The following ELL2 variants were observed in gnomAD, a reference collection of about 807,000 sequenced individuals.
ELL2 encodes the protein elongation factor for RNA polymerase II 2, also known as RNA polymerase II elongation factor ELL2.
Under a neutral mutation model 72.8 loss-of-function variants are expected in ELL2, and 21 were observed. The ratio of observed to expected loss-of-function variants is 0.29; its 90% confidence interval spans 0.20 to 0.42. The LOEUF is 0.42. Ranked by LOEUF, ELL2 falls within the 10% of genes least tolerant of loss-of-function variation. The probability of loss-of-function intolerance (pLI) is 1.00; values close to 1 mark genes in which losing one functional copy is unlikely to be tolerated. For synonymous variants in ELL2, 266 were observed against 283.2 expected, an observed-to-expected ratio of 0.94 and a Z score of 0.61; for missense variants, 568 against 772.8, an observed-to-expected ratio of 0.73 and a Z score of 3.14.
At chr5:95,943,840 A>C (rs888518905) in intron 1 of ELL2, among the ~76,000 whole-genome samples, 2 of 152,220 alleles carry the variant, frequency 1.3e-5, no homozygotes, top group Non-Finnish European at 2.9e-5. Flanking sequence ...TTAGAAGAAA[A>C]GCTGTTATCA....
rs992463069 is a variant in ELL2 at position 95,888,239 on chromosome 5, A to G, written c.*632T>C. 2 of 152,778 alleles carry G rather than the reference A, an allele frequency of 1.3e-5. No homozygotes were observed. Among genetic ancestry groups the G allele is most frequent in the South Asian group, 4.1e-4 (2 of 4,826 alleles). 9.5% of individuals were successfully genotyped at this position (152,778 alleles called of 1,614,324 possible). A position where few individuals can be genotyped will look rare whatever the true frequency, so the allele number is the denominator to read the frequency against. ...CACAACTAGCAAACACCTTAAGGCA[A>G]CCATTGCAATGGGGGGTTAACTTGC... On this transcript the variant is annotated 3_prime_UTR_variant, in exon 12 of 12. Coordinates refer to ENST00000237853, the MANE Select transcript of ELL2 (RefSeq NM_012081.6).
intron 9 of ELL2, 120 bp from the exon 10 acceptor site, chr5:95,891,394 A>G: frequency 9.7e-7 from 1 of 1,033,132 alleles, no homozygotes; most frequent in Non-Finnish European, 1.3e-6. Flanking sequence ...GTTTAATGCC[A>G]CTCTGCCACT....
At chr5:95,927,448 CATACACACACACGTGTGTATATAG>C (rs1750363001) in intron 2 of ELL2, among the ~76,000 whole-genome samples, 4 of 34,426 alleles carry the variant, frequency 1.2e-4, no homozygotes, top group East Asian at 4.2e-3. Context: ...TGTATATAGA[CATACACACACACGTGTGTATATAG>C]ACATACACAC....
At chr5:95,948,945 G>A (rs1320640593) in intron 1 of ELL2, among the ~76,000 whole-genome samples, 1 of 152,142 alleles carries the variant, frequency 6.6e-6, no homozygotes, top group African/African-American at 2.4e-5. Context: ...GCTCTTAGAA[G>A]CTCCTTGAAT....
intron 1 of ELL2, among the ~76,000 whole-genome samples, chr5:95,952,986 T>C (rs1751475581): frequency 6.6e-6 from 1 of 152,088 alleles, no homozygotes; most frequent in South Asian, 2.1e-4. Flanking sequence ...GTCAAGAGAA[T>C]GGAATACCAC....
chr5:95,959,195 C>T (rs938855869), intron 1 of ELL2, among the ~76,000 whole-genome samples: 2 of 152,200 alleles, frequency 1.3e-5, no homozygotes, highest in Non-Finnish European at 2.9e-5. Flanking sequence ...ACTTTCCCCA[C>T]AAGTGTACAC....
At chr5:95,958,439 G>A (rs1459461051) in intron 1 of ELL2, among the ~76,000 whole-genome samples, 2 of 152,208 alleles carry the variant, frequency 1.3e-5, no homozygotes, top group East Asian at 3.8e-4. Context: ...AGGACACACA[G>A]GTGGGTGGAG....
At position 95,898,359 on chromosome 5, in the gene ELL2, T is replaced by G. The variant is rs769944982; in HGVS notation, c.1406A>C (p.His469Pro). 1.9e-5 allele frequency: 31 copies of G among 1,613,712 alleles called. 1 individual carries two copies. In the South Asian group the frequency reaches 3.3e-4, roughly 17 times the overall value. Reference sequence around the variant, plus strand: ...CTTTTTTATTTGGTCCTTTTCCTTATGTTTTTTAGACTTCTTTTTGGACTT... The same window carrying G: ...CTTTTTTATTTGGTCCTTTTCCTTAGGTTTTTTAGACTTCTTTTTGGACTT... The part of the protein sequence containing the change: ...HKKSKKKSKK[H>P]KEKDQIKKHD... The change falls in exon 8 of 12, where the codon CAT becomes CCT. Residue 469 changes from histidine to proline, a missense_variant. By Grantham distance (77) the His-to-Pro change is moderately conservative. This residue lies in a region of ELL2 where 511 missense variants were observed against 728.4 expected (regional missense o/e 0.70). Transcript: ENST00000237853.
chr5:95,916,694 G>GT (rs1169378143), intron 3 of ELL2, among the ~76,000 whole-genome samples: 1 of 150,430 alleles, frequency 6.6e-6, no homozygotes, highest in Non-Finnish European at 1.5e-5. Context: ...GGTTGTTTTT[G>GT]TTTTTTATTT....
intron 2 of ELL2, among the ~76,000 whole-genome samples, chr5:95,924,716 C>T (rs1326401403): frequency 1.3e-5 from 2 of 152,096 alleles, no homozygotes; most frequent in Admixed American, 6.5e-5. Flanking sequence ...GACCACAATC[C>T]ACAACCCTCC....
In ELL2 at chr5:95,887,327, T is replaced by TAGATAA. The variant is rs1748498108; in HGVS notation, c.*1543_*1544insTTATCT. ...GAGAAAAGTTAATCTACATGCTCTCTCAAGTTTTCTAGATAACCAACATTT... is the reference window on the plus strand; with the variant it reads ...GAGAAAAGTTAATCTACATGCTCTCTAGATAACAAGTTTTCTAGATAACCAACATTT... On this transcript the variant is annotated 3_prime_UTR_variant, in exon 12 of 12. Transcript: ENST00000237853. 1 of 152,658 alleles carries TAGATAA rather than the reference T, an allele frequency of 6.6e-6. No homozygotes were observed. Among genetic ancestry groups the TAGATAA allele is most frequent in the Non-Finnish European group, 1.5e-5 (1 of 68,042 alleles). The allele number at this position is 152,658 out of a possible 1,614,324, so 9.5% of individuals were successfully genotyped here.
chr5:95,927,452 C>A (rs531359262), intron 2 of ELL2, among the ~76,000 whole-genome samples: 2 of 22,068 alleles, frequency 9.1e-5, no homozygotes, highest in Middle Eastern at 0.021. Flanking sequence ...TATAGACATA[C>A]ACACACACGT....
intron 2 of ELL2, 46 bp downstream of exon 2, chr5:95,942,956 G>A (rs372121992): frequency 1.1e-5 from 16 of 1,459,524 alleles, no homozygotes; most frequent in Middle Eastern, 1.8e-4. Context: ...GTTGAATAGC[G>A]TGCAAGAACA....
Position 95,931,978 on chromosome 5 carries a change from G to GGT in ELL2, c.195+11023_195+11024insAC, listed in dbSNP as rs544935837. On this transcript the variant is annotated intron_variant, in intron 2 of 11. Transcript: ENST00000237853. ...ACAGTATTTTAAAGTCTGTGGGGGT[G>GGT]TTTTTTTTTTTTTGTATCAAGCTAT... 6.2e-4 allele frequency among the ~76,000 whole-genome samples: 87 copies of GGT among 140,768 alleles called. 2 individuals are homozygous for GGT. In the South Asian group the frequency reaches 0.019, roughly 31 times the overall value. 92.3% of individuals were successfully genotyped at this position (140,768 alleles called of 152,430 possible).
At chr5:95,947,066 G>C (rs1227856049) in intron 1 of ELL2, among the ~76,000 whole-genome samples, 1 of 152,150 alleles carries the variant, frequency 6.6e-6, no homozygotes, top group African/African-American at 2.4e-5. Flanking sequence ...AATCTCATTA[G>C]CTGTTTGTTC....
intron 9 of ELL2, among the ~76,000 whole-genome samples, chr5:95,891,738 A>C (rs1470115459): frequency 6.6e-6 from 1 of 152,200 alleles, no homozygotes. Flanking sequence ...CTACTGCTTT[A>C]TGAGAGGCAG....
intron 1 of ELL2, among the ~76,000 whole-genome samples, chr5:95,952,014 C>T (rs922818246): frequency 4.6e-5 from 7 of 152,090 alleles, no homozygotes; most frequent in South Asian, 4.2e-4. Flanking sequence ...AGTAAAATCA[C>T]GAGTTATTTT....
intron 1 of ELL2, among the ~76,000 whole-genome samples, chr5:95,958,254 A>G (rs1016778597): frequency 1.3e-5 from 2 of 152,232 alleles, no homozygotes; most frequent in African/African-American, 4.8e-5. Context: ...GTTCCCAAAC[A>G]GCAGCTTCAA....
intron 1 of ELL2, among the ~76,000 whole-genome samples, chr5:95,950,921 T>TGTATGTATGTAC (rs1751361662): frequency 9.6e-6 from 1 of 104,376 alleles, no homozygotes; most frequent in African/African-American, 4.9e-5. Context: ...TATATATATA[T>TGTATGTATGTAC]ATATATATAT....
Sources: gnomAD v4.1 joint callset for allele counts (sites outside exome capture counted in the v4.1 genomes callset) on GRCh38, gnomAD v4.1.1 for gene constraint, gnomAD v4.1.1 regional missense constraint, MANE v1.5 for transcripts, NCBI Gene and HGNC (gene_info 2026-07-23, HGNC 2026-07-21) for gene names.